The following SOSTDC1 variants were observed in gnomAD, a reference collection of about 807,000 sequenced individuals.
The protein encoded by SOSTDC1 is sclerostin domain-containing protein 1.
In SOSTDC1, 7 loss-of-function variants were observed where a neutral mutation model predicts 15.1. The observed-to-expected ratio is 0.46, with a 90% CI of 0.26 to 0.87. SOSTDC1 has a LOEUF of 0.87. Among genes scored for constraint, SOSTDC1 ranks in the 40% least tolerant of loss-of-function variants. SOSTDC1 has a pLI of 0.15. For synonymous variants in SOSTDC1, 94 were observed against 93.2 expected (o/e 1.01, Z -0.05); for missense variants, 242 against 259.2 (o/e 0.93, Z 0.46).
intron 1 of SOSTDC1, among the ~76,000 whole-genome samples, chr7:16,465,035 T>C (rs746051168): frequency 1.3e-5 from 2 of 152,236 alleles, no homozygotes; most frequent in African/African-American, 4.8e-5. Flanking sequence ...TGATTCCCTA[T>C]ATTTATTTGT....
intron 1 of SOSTDC1, 117 bp from the exon 2 acceptor site, chr7:16,463,080 G>A (rs1781238919): frequency 2.1e-6 from 2 of 965,014 alleles, no homozygotes; most frequent in Non-Finnish European, 3.0e-6. Flanking sequence ...CAAATAGAAA[G>A]TGAGCACCTA....
chr7:16,464,505 G>A, intron 1 of SOSTDC1: 1 of 683,884 alleles, frequency 1.5e-6, no homozygotes, highest in South Asian at 1.9e-5. Context: ...AAAGCAACCA[G>A]CTTCGTGAAA....
chr7:16,463,701 T>G (rs1463777058), intron 1 of SOSTDC1, among the ~76,000 whole-genome samples: 1 of 152,202 alleles, frequency 6.6e-6, no homozygotes, highest in Non-Finnish European at 1.5e-5. Flanking sequence ...CCATAACAAC[T>G]TGGCTACATT....
At chr7:16,464,652 T>TTCTC (rs72323066) in intron 1 of SOSTDC1, among the ~76,000 whole-genome samples, 28 of 150,332 alleles carry the variant, frequency 1.9e-4, no homozygotes, top group South Asian at 6.3e-4. Flanking sequence ...TGCGCAGTGT[T>TTCTC]TCTCTCTCTC....
intron 1 of SOSTDC1, 88 bp downstream of exon 1, chr7:16,465,376 T>A (rs1297532775): frequency 8.8e-7 from 1 of 1,134,544 alleles, no homozygotes; most frequent in South Asian, 1.3e-5. Context: ...ACGGTTCAGG[T>A]TAGTTACCAA....
chr7:16,465,060 A>T (rs1309047934), intron 1 of SOSTDC1, among the ~76,000 whole-genome samples: 1 of 152,130 alleles, frequency 6.6e-6, no homozygotes. Flanking sequence ...GGTAACTAAT[A>T]ATATATATTA....
At chr7:16,464,458 G>C (rs1050921358) in intron 1 of SOSTDC1, 6 of 1,035,010 alleles carry the variant, frequency 5.8e-6, no homozygotes, top group Non-Finnish European at 8.8e-6. Context: ...ACATTGCTCA[G>C]TAATCTAATA....
chr7:16,462,668 C>T lies in SOSTDC1; in HGVS notation c.501G>A (p.Arg167=). ...TGGACTCGTTGTGCTGCCGGGTGTACCTCTTGCACTTGCAGGCAGTGACTA... is the reference window on the plus strand; with the variant it reads ...TGGACTCGTTGTGCTGCCGGGTGTATCTCTTGCACTTGCAGGCAGTGACTA... ...ITVVTACKCK[R]YTRQHNESSH... is the part of the protein sequence containing the mutation. Residue 167 remains arginine, a synonymous_variant, in exon 2 of 2, where the codon AGG becomes AGA. Coordinates refer to ENST00000307068, the MANE Select transcript of SOSTDC1 (RefSeq NM_015464.3). 6.2e-7 allele frequency: 1 copy of T among 1,614,146 alleles called. No individual in the cohort carries two copies. The highest frequency in any genetic ancestry group is 8.5e-7 in the Non-Finnish European group (1 of 1,180,020).
chr7:16,465,696 G>C lies in SOSTDC1; in HGVS notation c.-28C>G. The stretch of plus-strand genomic sequence containing the variant: ...TGAGTAGAGGATTTGCTTGACTGAA[G>C]AGCTGGTTAATTCTTTTGCTTCTGC... On this transcript the variant is annotated 5_prime_UTR_variant, in exon 1 of 2. Transcript: ENST00000307068. 6.2e-7 allele frequency: 1 copy of C among 1,600,160 alleles called. No individual in the cohort carries two copies. Among genetic ancestry groups the C allele is most frequent in the South Asian group, 1.1e-5 (1 of 90,616 alleles).
At chr7:16,465,137 T>C (rs912466030) in intron 1 of SOSTDC1, among the ~76,000 whole-genome samples, 2 of 152,184 alleles carry the variant, frequency 1.3e-5, no homozygotes, top group Non-Finnish European at 2.9e-5. Context: ...AACCGGAACT[T>C]GAGCTATCTA....
intron 1 of SOSTDC1, 52 bp from the exon 2 acceptor site, chr7:16,463,015 C>T: frequency 6.7e-7 from 1 of 1,494,086 alleles, no homozygotes; most frequent in South Asian, 1.4e-5. Flanking sequence ...AAATGAAGAC[C>T]TTTTAAAAAG....
intron 1 of SOSTDC1, among the ~76,000 whole-genome samples, chr7:16,463,405 T>A (rs1781244804): frequency 6.6e-6 from 1 of 152,196 alleles, no homozygotes; most frequent in African/African-American, 2.4e-5. Context: ...TTAGGCTTTT[T>A]AAAAATCTGT....
chr7:16,463,818 T>C lies in SOSTDC1; in HGVS notation c.206-855A>G, dbSNP rs57839487. Among the ~76,000 whole-genome samples the C allele has an allele frequency of 2.9e-3, 443 of 152,332 alleles. 3 individuals are homozygous for C. The highest frequency in any genetic ancestry group is 0.01 in the African/African-American group (424 of 41,576). On this transcript the variant is annotated intron_variant, in intron 1 of 1. Transcript: ENST00000307068. ...ATTGGTCATGGCAAACTTTTTGTTT[T>C]AGTTATTTGGATTTGATAGGTATGT...
chr7:16,463,122 G>T (rs1781239694), intron 1 of SOSTDC1, among the ~76,000 whole-genome samples, 159 bp from the exon 2 acceptor site: 1 of 152,264 alleles, frequency 6.6e-6, no homozygotes, highest in East Asian at 1.9e-4. Context: ...AATCTGTCTG[G>T]ATAGTATAGG....
At chr7:16,464,367 G>C (rs1391908772) in intron 1 of SOSTDC1, 3 of 1,550,380 alleles carry the variant, frequency 1.9e-6, no homozygotes. Flanking sequence ...AAATAATTTT[G>C]TCTCGTCAAG....
In SOSTDC1 at chr7:16,462,409, G is replaced by C; in HGVS notation, c.*139C>G. ...TCCCAAAGAAGGTCCTGATACTTAA[G>C]ACAGCTTGCTGGGTTTGATCAAAGC... On this transcript the variant is annotated 3_prime_UTR_variant, in exon 2 of 2. Transcript: ENST00000307068. 1.1e-6 allele frequency: 1 copy of C among 916,878 alleles called. No individual in the cohort carries two copies. The highest frequency in any genetic ancestry group is 1.7e-6 in the Non-Finnish European group (1 of 598,886). 56.8% of individuals were successfully genotyped at this position (916,878 alleles called of 1,614,324 possible). A position where few individuals can be genotyped will look rare whatever the true frequency, so the allele number is the denominator to read the frequency against.
chr7:16,464,683 T>G (rs533846812), intron 1 of SOSTDC1, among the ~76,000 whole-genome samples: 4 of 150,598 alleles, frequency 2.7e-5, no homozygotes, highest in African/African-American at 1.0e-4. Context: ...TCTTAAAACC[T>G]GATTATTAGC....
rs1250650734 is a variant in SOSTDC1, at chr7:16,465,639, G to C, written c.30C>G (p.Leu10=). 3 of 1,614,006 alleles carry C rather than the reference G, an allele frequency of 1.9e-6. No individual in the cohort carries two copies. The African/African-American group carries it at 4.0e-5, about 22-fold the overall frequency. Residue 10 remains leucine (L), a synonymous_variant, in exon 1 of 2, where the codon CTC becomes CTG. Transcript: ENST00000307068. MLPPAIHFY[L]LPLACILMKS... Reference sequence around the variant, plus strand: ...TCATTAGGATGCATGCAAGGGGAAGGAGATAGAAATGAATGGCAGGAGGAA... The same window carrying C: ...TCATTAGGATGCATGCAAGGGGAAGCAGATAGAAATGAATGGCAGGAGGAA...
In SOSTDC1 at chr7:16,461,960, TC is replaced by T. The variant is rs1047795928; in HGVS notation, c.*587del. 4 of 152,566 alleles carry T rather than the reference TC, an allele frequency of 2.6e-5. No individual in the cohort carries two copies. The highest frequency in any genetic ancestry group is 9.7e-5 in the African/African-American group (4 of 41,422). 9.5% of individuals were successfully genotyped at this position (152,566 alleles called of 1,614,324 possible). A position where few individuals can be genotyped will look rare whatever the true frequency, so the allele number is the denominator to read the frequency against. Reference sequence around the variant, plus strand: ...TCTGGCATTCCATTCCAAGCGAGGGTCAGCATGCAGGGTATAATTTCATACT... The same window carrying T: ...TCTGGCATTCCATTCCAAGCGAGGGTAGCATGCAGGGTATAATTTCATACT... On this transcript the variant is annotated 3_prime_UTR_variant, in exon 2 of 2. Transcript: ENST00000307068.
Sources: gnomAD v4.1 joint callset for allele counts (sites outside exome capture counted in the v4.1 genomes callset) on GRCh38, gnomAD v4.1.1 for gene constraint, MANE v1.5 for transcripts, NCBI Gene and HGNC (gene_info 2026-07-23, HGNC 2026-07-21) for gene names.